The following BMPER variants were observed in gnomAD, a reference collection of about 807,000 sequenced individuals.
BMPER encodes the protein BMP-binding endothelial regulator protein.
A neutral mutation model predicts 87.3 loss-of-function variants in BMPER; 45 were observed. That is an observed-to-expected ratio of 0.52 (90% CI 0.41 to 0.66). The LOEUF is 0.66. Among genes scored for constraint, BMPER ranks in the 30% least tolerant of loss-of-function variants. The probability of loss-of-function intolerance (pLI) is 0.00; values close to 1 mark genes in which losing one functional copy is unlikely to be tolerated. For synonymous variants in BMPER, 326 were observed against 316.2 expected (o/e 1.03, Z -0.33); for missense variants, 784 against 867.5 (o/e 0.90, Z 1.21).
intron 6 of BMPER, among the ~76,000 whole-genome samples, chr7:34,031,583 G>GCT (rs1787517212): frequency 6.6e-6 from 1 of 151,764 alleles, no homozygotes; most frequent in Admixed American, 6.6e-5. Context: ...AGTCACCACA[G>GCT]CTCTGTACCT....
intron 6 of BMPER, among the ~76,000 whole-genome samples, chr7:33,988,493 G>A (rs535718682): frequency 6.6e-6 from 1 of 152,202 alleles, no homozygotes; most frequent in Non-Finnish European, 1.5e-5. Context: ...TTCAGAGATT[G>A]AAGCAAGATT....
At chr7:34,074,150 A>G (rs1003701808) in intron 11 of BMPER, among the ~76,000 whole-genome samples, 1 of 152,258 alleles carries the variant, frequency 6.6e-6, no homozygotes, top group African/African-American at 2.4e-5. Context: ...TACCTACACA[A>G]TATTTCTTGA....
intron 13 of BMPER, among the ~76,000 whole-genome samples, chr7:34,120,426 T>G (rs1790233052): frequency 6.6e-6 from 1 of 152,134 alleles, no homozygotes; most frequent in Non-Finnish European, 1.5e-5. Context: ...GAGATGGAGT[T>G]TTGCTCTCGT....
chr7:34,000,412 T>C (rs966583960), intron 6 of BMPER, among the ~76,000 whole-genome samples: 1 of 152,230 alleles, frequency 6.6e-6, no homozygotes, highest in Non-Finnish European at 1.5e-5. Flanking sequence ...AGGTTGACTA[T>C]ATATTAGATG....
chr7:34,057,492 G>C (rs1237742603), intron 9 of BMPER, among the ~76,000 whole-genome samples: 1 of 152,122 alleles, frequency 6.6e-6, no homozygotes, highest in Non-Finnish European at 1.5e-5. Flanking sequence ...TCTTCTCTCT[G>C]AGCTCTGCAT....
intron 6 of BMPER, among the ~76,000 whole-genome samples, chr7:33,976,354 T>C (rs1785687738): frequency 6.6e-6 from 1 of 152,030 alleles, no homozygotes; most frequent in Non-Finnish European, 1.5e-5. Flanking sequence ...GGTTCCACCA[T>C]GTCAGCCAGG....
intron 6 of BMPER, among the ~76,000 whole-genome samples, chr7:33,986,765 T>C (rs865780296): frequency 6.6e-6 from 1 of 152,186 alleles, no homozygotes; most frequent in South Asian, 2.1e-4. Flanking sequence ...ATAAAAGAAA[T>C]ATCCTTTTTA....
At chr7:33,991,877 C>A (rs1447803824) in intron 6 of BMPER, among the ~76,000 whole-genome samples, 1 of 142,338 alleles carries the variant, frequency 7.0e-6, no homozygotes, top group Admixed American at 7.1e-5. Flanking sequence ...GTTATGTACC[C>A]AGTAGTCATT....
chr7:34,034,630 G>T (rs1483625133), intron 6 of BMPER, among the ~76,000 whole-genome samples: 4 of 152,160 alleles, frequency 2.6e-5, no homozygotes, highest in Non-Finnish European at 5.9e-5. Flanking sequence ...CTTTTTCTGT[G>T]TTCTACTCAA....
chr7:34,129,610 AAGAGAGAGAGAGAGAAAGAG>A (rs1236853685), intron 13 of BMPER, among the ~76,000 whole-genome samples: 6 of 69,640 alleles, frequency 8.6e-5, no homozygotes, highest in African/African-American at 2.9e-4. Context: ...GAGAGAGAGA[AAGAGAGAGAGAGAGAAAGAG>A]AGAAAGAAAG....
chr7:33,989,354 C>G (rs1448993787), intron 6 of BMPER, among the ~76,000 whole-genome samples: 2 of 151,804 alleles, frequency 1.3e-5, no homozygotes, highest in Admixed American at 6.6e-5. Context: ...ATTTGCATTT[C>G]TCTGATGGCC....
intron 13 of BMPER, among the ~76,000 whole-genome samples, chr7:34,119,437 T>C (rs1296991847): frequency 6.6e-6 from 1 of 152,236 alleles, no homozygotes; most frequent in South Asian, 2.1e-4. Context: ...CTACATAAGC[T>C]TCAAAAATAC....
At chr7:34,146,030 C>T (rs1791007419) in intron 14 of BMPER, among the ~76,000 whole-genome samples, 1 of 152,022 alleles carries the variant, frequency 6.6e-6, no homozygotes, top group South Asian at 2.1e-4. Flanking sequence ...CATTCTCTCT[C>T]TCTCACATAT....
intron 6 of BMPER, among the ~76,000 whole-genome samples, chr7:33,997,470 T>C (rs1486656917): frequency 3.3e-5 from 5 of 152,288 alleles, no homozygotes; most frequent in Admixed American, 1.3e-4. Context: ...TGTTCGATAG[T>C]GTCTGGCGCT....
chr7:34,123,307 T>A (rs1291884603), intron 13 of BMPER, among the ~76,000 whole-genome samples: 2 of 152,228 alleles, frequency 1.3e-5, no homozygotes, highest in Non-Finnish European at 2.9e-5. Flanking sequence ...CAGTGCTATC[T>A]TTTAGCACTA....
intron 14 of BMPER, among the ~76,000 whole-genome samples, chr7:34,151,755 C>T (rs1791181779): frequency 6.6e-6 from 1 of 152,108 alleles, no homozygotes; most frequent in Admixed American, 6.6e-5. Context: ...AAATAATGCA[C>T]CAGTGCTTAC....
intron 10 of BMPER, among the ~76,000 whole-genome samples, chr7:34,059,015 A>C (rs1295917545): frequency 2.1e-5 from 3 of 144,932 alleles, no homozygotes; most frequent in Non-Finnish European, 1.5e-5. Context: ...AATAAAGAGG[A>C]GAGGAAAAAA....
At chr7:34,148,333 T>C (rs369898548) in intron 14 of BMPER, among the ~76,000 whole-genome samples, 2 of 152,218 alleles carry the variant, frequency 1.3e-5, no homozygotes, top group South Asian at 2.1e-4. Context: ...TGAACTAATG[T>C]CTTTCTCTCT....
intron 14 of BMPER, among the ~76,000 whole-genome samples, chr7:34,150,309 C>G (rs907345395): frequency 1.3e-5 from 2 of 152,110 alleles, no homozygotes; most frequent in Admixed American, 1.3e-4. Context: ...CAATCTTGGC[C>G]GCTCATTAGA....
Sources: gnomAD v4.1 joint callset for allele counts (sites outside exome capture counted in the v4.1 genomes callset) on GRCh38, gnomAD v4.1.1 for gene constraint, MANE v1.5 for transcripts, NCBI Gene and HGNC (gene_info 2026-07-23, HGNC 2026-07-21) for gene names.